The following RPL28 variants were observed in gnomAD, a reference collection of about 807,000 sequenced individuals.
RPL28 encodes large ribosomal subunit protein eL28.
Under a neutral mutation model 12.5 loss-of-function variants are expected in RPL28, and 4 were observed. The observed-to-expected ratio is 0.32, with a 90% confidence interval of 0.16 to 0.73. RPL28 has a LOEUF of 0.73. RPL28 is among the 30% of genes least tolerant of loss of function. The probability of loss-of-function intolerance (pLI) is 0.66; values close to 1 mark genes in which losing one functional copy is unlikely to be tolerated. For synonymous variants in RPL28, 91 were observed against 72.5 expected, an observed-to-expected ratio of 1.26 and a Z score of -1.30; for missense variants, 214 against 197.7, an observed-to-expected ratio of 1.08 and a Z score of -0.49.
chr19:55,395,150 T>TTTA (rs2090013537), downstream of RPL28, among the ~76,000 whole-genome samples: 4 of 150,498 alleles, frequency 2.7e-5, no homozygotes, highest in African/African-American at 7.5e-5. Flanking sequence ...TTATTTATTT[T>TTTA]TTTGAGACAG....
chr19:55,390,147 A>G lies in RPL28; in HGVS notation c.*1815A>G. 1.0e-6 allele frequency: 1 copy of G among 985,412 alleles called. No individual in the cohort carries two copies. The allele number at this position is 985,412 out of a possible 1,614,324, so 61.0% of individuals were successfully genotyped here. ...GTCTAGCACACCAGCATATAATGAG[A>G]TGCTTGATGAATGGTGCATATTGAA... On this transcript the variant is annotated 3_prime_UTR_variant, in exon 5 of 5. Coordinates refer to ENST00000344063, the MANE Select transcript of RPL28 (RefSeq NM_000991.5).
intron 3 of RPL28, 41 bp from the exon 4 acceptor site, chr19:55,387,889 T>G (rs756275462): frequency 2.0e-6 from 3 of 1,526,470 alleles, no homozygotes; most frequent in Non-Finnish European, 2.6e-6. Flanking sequence ...AAGGTGCAGG[T>G]TAGGTGGACT....
intron 3 of RPL28, 101 bp from the exon 4 acceptor site, chr19:55,387,829 C>A (rs931859780): frequency 1.3e-6 from 2 of 1,482,388 alleles, no homozygotes; most frequent in Non-Finnish European, 1.8e-6. Flanking sequence ...CACGGGCCCA[C>A]GCTGCTCAGC....
intron 1 of RPL28, 157 bp downstream of exon 1, chr19:55,386,122 T>C (rs956004018): frequency 2.2e-5 from 12 of 553,304 alleles, no homozygotes; most frequent in Non-Finnish European, 3.9e-5. Context: ...TATTTTCCCC[T>C]CACTCTCATT....
At chr19:55,402,655 C>T (rs1172791570) in intron 4 of RPL28, among the ~76,000 whole-genome samples, 1 of 152,212 alleles carries the variant, frequency 6.6e-6, no homozygotes, top group East Asian at 1.9e-4. Context: ...CTCATCACTG[C>T]ACCCAAACTG....
At position 55,390,810 on chromosome 19, in the gene RPL28, C is replaced by T. The variant is rs965330307; in HGVS notation, c.*2478C>T. 12 of 985,266 alleles carry T rather than the reference C, an allele frequency of 1.2e-5. No individual in the cohort carries two copies. Among genetic ancestry groups the T allele is most frequent in the Non-Finnish European group, 1.3e-5 (11 of 829,958 alleles). The allele number at this position is 985,266 out of a possible 1,614,324, so 61.0% of individuals were successfully genotyped here. ...CTGGAGGGAGGGAGATGGTCTCAGC[C>T]CCACAGAGTTTGGAGTCCTCAGTGT... On this transcript the variant is annotated 3_prime_UTR_variant, in exon 5 of 5. Transcript: ENST00000344063.
intron 4 of RPL28, chr19:55,401,369 T>C: frequency 9.3e-7 from 1 of 1,076,016 alleles, no homozygotes; most frequent in South Asian, 1.5e-5. Flanking sequence ...TTAAATAACT[T>C]AGAGACAGAG....
chr19:55,401,864 C>A, intron 4 of RPL28: 6 of 1,271,098 alleles, frequency 4.7e-6, no homozygotes, highest in Non-Finnish European at 6.7e-6. Flanking sequence ...CTTCTGCTCC[C>A]AACTCAGCTG....
intron 3 of RPL28, 32 bp downstream of exon 3, chr19:55,386,725 G>A: frequency 6.2e-7 from 1 of 1,612,704 alleles, no homozygotes. Flanking sequence ...CCAGAGAGCG[G>A]CCCCTTTCCC....
chr19:55,387,337 T>C (rs781433254), intron 3 of RPL28: 14 of 1,551,686 alleles, frequency 9.0e-6, no homozygotes, highest in Non-Finnish European at 1.1e-5. Flanking sequence ...CAAGGGTCCT[T>C]TTACTCAGTG....
intron 4 of RPL28, among the ~76,000 whole-genome samples, chr19:55,398,558 A>ATGTTGAGTACCTTTACATG (rs1355524440): frequency 6.6e-6 from 1 of 152,186 alleles, no homozygotes; most frequent in Admixed American, 6.5e-5. Flanking sequence ...GTTACTAATG[A>ATGTTGAGTACCTTTACATG]TGTTGAGTAC....
At chr19:55,386,793 G>A (rs974365640) in intron 3 of RPL28, 100 bp downstream of exon 3, 8 of 1,609,812 alleles carry the variant, frequency 5.0e-6, no homozygotes, top group Non-Finnish European at 6.8e-6. Flanking sequence ...CTGCCATCGC[G>A]GCGGGCATCC....
rs1027349411 is a variant in RPL28 at position 55,390,822 on chromosome 19, G to A, written c.*2490G>A. ...AGATGGTCTCAGCCCCACAGAGTTT[G>A]GAGTCCTCAGTGTGCTGAGCAAACG... is the stretch of plus-strand genomic sequence containing the variant. On this transcript the variant is annotated 3_prime_UTR_variant, in exon 5 of 5. Coordinates refer to ENST00000344063, the MANE Select transcript of RPL28 (RefSeq NM_000991.5). 4 of 985,456 alleles carry A rather than the reference G, an allele frequency of 4.1e-6. No homozygotes were observed. Among genetic ancestry groups the A allele is most frequent in the Middle Eastern group, 5.2e-4 (1 of 1,914 alleles). 61.0% of individuals were successfully genotyped at this position (985,456 alleles called of 1,614,324 possible). A position where few individuals can be genotyped will look rare whatever the true frequency, so the allele number is the denominator to read the frequency against.
At chr19:55,392,249 T>G (rs58453930), downstream of RPL28, 201 of 428,380 alleles carry the variant, frequency 4.7e-4, 1 homozygote, top group African/African-American at 4.2e-3. Flanking sequence ...TTTGTTTGTC[T>G]AAGAGACGGG....
At position 55,388,635 on chromosome 19, in the gene RPL28, G is replaced by C. The variant is rs1367994636; in HGVS notation, c.*303G>C. The C allele has an allele frequency of 5.0e-6, 6 of 1,192,764 alleles. No homozygotes were observed. The highest frequency in any genetic ancestry group is 5.2e-6 in the Non-Finnish European group (5 of 963,170). 73.9% of individuals were successfully genotyped at this position (1,192,764 alleles called of 1,614,324 possible). ...AGGTGGCCTGAAGAATCCCAGCTGG[G>C]GCAGTGGCTTCCATTCAGAAGAAGA... On this transcript the variant is annotated 3_prime_UTR_variant, in exon 5 of 5. Coordinates refer to ENST00000344063, the MANE Select transcript of RPL28 (RefSeq NM_000991.5).
downstream of RPL28, among the ~76,000 whole-genome samples, chr19:55,393,636 T>G (rs994856013): frequency 3.2e-4 from 48 of 147,860 alleles, no homozygotes; most frequent in Admixed American, 4.0e-4. Flanking sequence ...AATTTGTTTT[T>G]TTTTTTTTTT....
chr19:55,403,046 T>C (rs2090072881), exon 5 of RPL28: 2 of 1,445,786 alleles, frequency 1.4e-6, no homozygotes, highest in East Asian at 2.5e-5. Flanking sequence ...TCATTCTGTG[T>C]CATGGAGCCA....
Position 55,388,055 on chromosome 19 carries a change from T to C in RPL28, c.324+7T>C. 6.2e-7 allele frequency: 1 copy of C among 1,613,634 alleles called. No homozygotes were observed. Among genetic ancestry groups the C allele is most frequent in the Non-Finnish European group, 8.5e-7 (1 of 1,179,792 alleles). ...CCGCCCCGACCTGCGCATGGTGAGC[T>C]GGGGTTTGGGGATCAGGCTTGGGGA... is the stretch of plus-strand genomic sequence containing the variant. On this transcript the variant is annotated splice_region_variant and intron_variant, in intron 4 of 4. Transcript: ENST00000344063.
Position 55,389,785 on chromosome 19 carries a change from C to G in RPL28, c.*1453C>G. 1.0e-6 allele frequency: 1 copy of G among 985,510 alleles called. No individual in the cohort carries two copies. The highest frequency in any genetic ancestry group is 1.2e-6 in the Non-Finnish European group (1 of 830,006). The allele number at this position is 985,510 out of a possible 1,614,324, so 61.0% of individuals were successfully genotyped here. A position where few individuals can be genotyped will look rare whatever the true frequency, so the allele number is the denominator to read the frequency against. On this transcript the variant is annotated 3_prime_UTR_variant, in exon 5 of 5. Coordinates refer to ENST00000344063, the MANE Select transcript of RPL28 (RefSeq NM_000991.5). ...CAGATTGAGAGGTGTTGCCTTAAAA[C>G]TGAGTTGGGTGACTTGGTACCTGCT...
Sources: gnomAD v4.1 joint callset for allele counts (sites outside exome capture counted in the v4.1 genomes callset) on GRCh38, gnomAD v4.1.1 for gene constraint, MANE v1.5 for transcripts, NCBI Gene and HGNC (gene_info 2026-07-23, HGNC 2026-07-21) for gene names.